Variants in CPEB3 observed in about 807,000 individuals in gnomAD.
CPEB3 encodes the protein cytoplasmic polyadenylation element-binding protein 3.
CPEB3 carries 20 observed loss-of-function variants against 67.2 expected under a neutral mutation model. The observed-to-expected ratio is 0.30, with a 90% CI of 0.21 to 0.43. The LOEUF (loss-of-function observed/expected upper bound fraction) is 0.43, where lower values mean the gene tolerates loss of function less well. CPEB3 is among the 20% of genes least tolerant of loss of function. The pLI is 1.00. For synonymous variants in CPEB3, 376 were observed against 393.1 expected, an observed-to-expected ratio of 0.96 and a Z score of 0.51; for missense variants, 746 against 968.6, an observed-to-expected ratio of 0.77 and a Z score of 3.05.
intron 4 of CPEB3, among the ~76,000 whole-genome samples, chr10:92,162,601 T>C (rs1847540420): frequency 6.6e-6 from 1 of 152,142 alleles, no homozygotes; most frequent in African/African-American, 2.4e-5. Context: ...AAAAATTAAA[T>C]GGTACATGTA....
At chr10:92,118,104 A>G (rs1845133289) in intron 6 of CPEB3, among the ~76,000 whole-genome samples, 1 of 152,164 alleles carries the variant, frequency 6.6e-6, no homozygotes, top group East Asian at 1.9e-4. Flanking sequence ...AAATGTCCTT[A>G]TGACAGTGAC....
intron 4 of CPEB3, among the ~76,000 whole-genome samples, chr10:92,172,130 T>C (rs1485760014): frequency 6.6e-6 from 1 of 152,046 alleles, no homozygotes; most frequent in Admixed American, 6.6e-5. Flanking sequence ...ACCCTGTCTC[T>C]ACAAAAAAAT....
chr10:92,175,635 A>C (rs977310985), intron 4 of CPEB3, among the ~76,000 whole-genome samples: 2 of 152,188 alleles, frequency 1.3e-5, no homozygotes, highest in Non-Finnish European at 2.9e-5. Context: ...TAGGATCCAA[A>C]GACAGTGCAC....
intron 3 of CPEB3, among the ~76,000 whole-genome samples, chr10:92,182,159 T>C (rs1848489255): frequency 6.6e-6 from 1 of 152,232 alleles, no homozygotes; most frequent in African/African-American, 2.4e-5. Context: ...TCAAAAAATG[T>C]TAATCTTATT....
intron 4 of CPEB3, among the ~76,000 whole-genome samples, chr10:92,160,604 T>C (rs1847426641): frequency 6.6e-6 from 1 of 152,186 alleles, no homozygotes; most frequent in Non-Finnish European, 1.5e-5. Context: ...TATTTTAAAA[T>C]TACTTATTTC....
chr10:92,195,715 T>C (rs997758493), intron 2 of CPEB3, among the ~76,000 whole-genome samples: 4 of 152,206 alleles, frequency 2.6e-5, no homozygotes, highest in African/African-American at 9.7e-5. Context: ...TTCAAGAATC[T>C]TTCCAGACAG....
intron 2 of CPEB3, among the ~76,000 whole-genome samples, chr10:92,229,605 A>G (rs992833960): frequency 7.2e-5 from 11 of 152,228 alleles, no homozygotes; most frequent in African/African-American, 2.7e-4. Flanking sequence ...TACCAAATCT[A>G]CACATATGAA....
chr10:92,054,291 G>GAA (rs55692823), intron 9 of CPEB3, among the ~76,000 whole-genome samples: 4 of 141,904 alleles, frequency 2.8e-5, no homozygotes, highest in Admixed American at 7.0e-5. Flanking sequence ...GGCTCTTAAA[G>GAA]AAAAAAAAAA....
At chr10:92,103,511 T>C (rs1844293404) in intron 7 of CPEB3, among the ~76,000 whole-genome samples, 1 of 152,246 alleles carries the variant, frequency 6.6e-6, no homozygotes, top group Non-Finnish European at 1.5e-5. Flanking sequence ...GTACTCTTTC[T>C]ACTACAATCA....
chr10:92,124,494 A>G (rs186746309), intron 6 of CPEB3, among the ~76,000 whole-genome samples: 2 of 152,344 alleles, frequency 1.3e-5, no homozygotes, highest in African/African-American at 4.8e-5. Flanking sequence ...TGCAGTTTCC[A>G]TGTTTTTACA....
chr10:92,191,555 T>A lies in CPEB3; in HGVS notation c.1165+922A>T, dbSNP rs141532970. Among the ~76,000 whole-genome samples, 917 of 152,236 alleles carry A rather than the reference T, an allele frequency of 6.0e-3. 6 individuals are homozygous for A. The highest frequency in any genetic ancestry group is 8.5e-3 in the Non-Finnish European group (575 of 68,030). On this transcript the variant is annotated intron_variant, in intron 3 of 9. Coordinates refer to ENST00000265997, the MANE Select transcript of CPEB3 (RefSeq NM_014912.5). The stretch of plus-strand genomic sequence containing the variant: ...TGATGAAAGAGATTTCTGGTGTGGC[T>A]TGAGGAAATGAGCATCAGGTGTTCA...
chr10:92,221,646 G>A (rs1850705021), intron 2 of CPEB3, among the ~76,000 whole-genome samples: 1 of 152,146 alleles, frequency 6.6e-6, no homozygotes, highest in South Asian at 2.1e-4. Context: ...TAAGAGGTGG[G>A]GCCTTCGAGG....
intron 8 of CPEB3, among the ~76,000 whole-genome samples, chr10:92,086,377 T>C (rs1260624166): frequency 6.6e-6 from 1 of 152,192 alleles, no homozygotes; most frequent in Admixed American, 6.5e-5. Flanking sequence ...ATCAGATATG[T>C]TGGGAAGTTA....
chr10:92,205,344 T>C (rs765805246), intron 2 of CPEB3, among the ~76,000 whole-genome samples: 10 of 152,216 alleles, frequency 6.6e-5, no homozygotes, highest in Non-Finnish European at 1.3e-4. Flanking sequence ...ATAATTAATA[T>C]GTGCCAGACC....
intron 7 of CPEB3, among the ~76,000 whole-genome samples, chr10:92,109,910 A>G (rs895999248): frequency 2.0e-5 from 3 of 152,156 alleles, no homozygotes; most frequent in East Asian, 1.9e-4. Context: ...ATCTTGCTCT[A>G]TTGAATCCTA....
At chr10:92,199,615 C>T (rs571654202) in intron 2 of CPEB3, among the ~76,000 whole-genome samples, 26 of 126,992 alleles carry the variant, frequency 2.0e-4, no homozygotes, top group African/African-American at 7.8e-4. Flanking sequence ...ACCTGGGAGG[C>T]GGCGGTTGCA....
chr10:92,071,082 C>CA (rs1163987739), intron 9 of CPEB3, among the ~76,000 whole-genome samples: 1 of 146,818 alleles, frequency 6.8e-6, no homozygotes, highest in Non-Finnish European at 1.5e-5. Context: ...CACACACACA[C>CA]ACACACACAC....
intron 2 of CPEB3, among the ~76,000 whole-genome samples, chr10:92,219,753 T>G (rs1325268557): frequency 6.6e-6 from 1 of 152,124 alleles, no homozygotes; most frequent in African/African-American, 2.4e-5. Context: ...CACTGGCAAA[T>G]AAGCAGAAAA....
chr10:92,121,928 C>T (rs1368208129), intron 6 of CPEB3, among the ~76,000 whole-genome samples: 1 of 152,168 alleles, frequency 6.6e-6, no homozygotes, highest in Non-Finnish European at 1.5e-5. Flanking sequence ...GGCAGTCTGT[C>T]CCAAACATTC....
Sources: allele counts gnomAD v4.1 joint callset (sites outside exome capture counted in the v4.1 genomes callset), GRCh38; gene constraint gnomAD v4.1.1; transcripts MANE v1.5; gene names NCBI Gene and HGNC (gene_info 2026-07-23, HGNC 2026-07-21).